Variants in LIMCH1 observed in about 807,000 individuals in gnomAD.
LIMCH1 encodes LIM and calponin homology domains-containing protein 1.
In LIMCH1, 113 loss-of-function variants were observed where a neutral mutation model predicts 176.5. The ratio of observed to expected loss-of-function variants is 0.64; its 90% CI spans 0.55 to 0.75. LIMCH1 has a LOEUF of 0.75. Among genes scored for constraint, LIMCH1 ranks in the 30% least tolerant of loss-of-function variants. LIMCH1 has a pLI of 0.00. For synonymous variants in LIMCH1, 619 were observed against 645.9 expected, an observed-to-expected ratio of 0.96 and a Z score of 0.63; for missense variants, 1,674 against 1,814.9, an observed-to-expected ratio of 0.92 and a Z score of 1.41.
At chr4:41,593,036 T>A (rs2087944271) in intron 1 of LIMCH1, among the ~76,000 whole-genome samples, 1 of 152,204 alleles carries the variant, frequency 6.6e-6, no homozygotes, top group South Asian at 2.1e-4. Context: ...TGTCAGGAAC[T>A]TTGCTACACT....
chr4:41,614,166 A>G (rs966238692), intron 5 of LIMCH1, among the ~76,000 whole-genome samples: 1 of 152,214 alleles, frequency 6.6e-6, no homozygotes, highest in Non-Finnish European at 1.5e-5. Context: ...GATGCTTGTG[A>G]TACCTGACTG....
intron 26 of LIMCH1, 108 bp downstream of exon 26, chr4:41,682,568 TG>T: frequency 9.6e-7 from 1 of 1,042,828 alleles, no homozygotes; most frequent in Non-Finnish European, 1.4e-6. Flanking sequence ...AGCTTCGAAA[TG>T]AATGTTCCAG....
At chr4:41,461,478 T>C (rs960063506) in intron 1 of LIMCH1, among the ~76,000 whole-genome samples, 26 of 152,194 alleles carry the variant, frequency 1.7e-4, no homozygotes, top group African/African-American at 5.3e-4. Context: ...AAATTATAGA[T>C]GGTTTTTGAG....
intron 1 of LIMCH1, among the ~76,000 whole-genome samples, chr4:41,449,309 C>T (rs1361593941): frequency 6.6e-6 from 1 of 152,202 alleles, no homozygotes; most frequent in Admixed American, 6.5e-5. Flanking sequence ...CCCCGTCTTT[C>T]TGGCGAACTT....
At chr4:41,577,986 A>G (rs527417294) in intron 1 of LIMCH1, among the ~76,000 whole-genome samples, 8 of 152,296 alleles carry the variant, frequency 5.3e-5, no homozygotes, top group Non-Finnish European at 8.8e-5. Flanking sequence ...GTGAATGTCC[A>G]TTTGTATTTC....
intron 1 of LIMCH1, among the ~76,000 whole-genome samples, chr4:41,586,402 G>T (rs190958239): frequency 1.3e-4 from 20 of 152,042 alleles, no homozygotes; most frequent in African/African-American, 4.8e-4. Flanking sequence ...GAGCCACTGC[G>T]CCTGGCCTAA....
intron 14 of LIMCH1, among the ~76,000 whole-genome samples, chr4:41,639,746 A>G (rs1194503353): frequency 6.6e-6 from 1 of 152,188 alleles, no homozygotes; most frequent in Non-Finnish European, 1.5e-5. Context: ...TAGACTTCTC[A>G]GATTCAAGTA....
chr4:41,580,180 C>T (rs141072231), intron 1 of LIMCH1, among the ~76,000 whole-genome samples: 56 of 152,248 alleles, frequency 3.7e-4, no homozygotes, highest in African/African-American at 1.3e-3. Flanking sequence ...GAATGCGTTT[C>T]GTGTCCGTTT....
At chr4:41,366,652 A>G (rs1230083723) in intron 1 of LIMCH1, among the ~76,000 whole-genome samples, 1 of 151,228 alleles carries the variant, frequency 6.6e-6, no homozygotes, top group East Asian at 1.9e-4. Context: ...AAGATAATAT[A>G]GGGGAAAAAT....
At chr4:41,665,456 TTTTC>T in intron 20 of LIMCH1, among the ~76,000 whole-genome samples, 1 of 152,320 alleles carries the variant, frequency 6.6e-6, no homozygotes, top group East Asian at 1.9e-4. Context: ...AGGTGATTAG[TTTTC>T]TTTAAGATTC....
chr4:41,641,266 C>G (rs1430885797), intron 14 of LIMCH1, among the ~76,000 whole-genome samples: 1 of 152,192 alleles, frequency 6.6e-6, no homozygotes, highest in Non-Finnish European at 1.5e-5. Context: ...CGCCAACCCC[C>G]ATCCCCAGAC....
chr4:41,459,301 C>T (rs1019066231), intron 1 of LIMCH1, among the ~76,000 whole-genome samples: 2 of 151,880 alleles, frequency 1.3e-5, no homozygotes, highest in African/African-American at 4.8e-5. Flanking sequence ...CTCCCTCTGT[C>T]CCTTCCTTCC....
At chr4:41,593,028 T>A (rs552189783) in intron 1 of LIMCH1, among the ~76,000 whole-genome samples, 32 of 152,320 alleles carry the variant, frequency 2.1e-4, no homozygotes, top group African/African-American at 7.7e-4. Context: ...CTTGTACATG[T>A]CAGGAACTTT....
intron 1 of LIMCH1, among the ~76,000 whole-genome samples, chr4:41,410,360 G>T (rs1270219084): frequency 6.6e-6 from 1 of 152,166 alleles, no homozygotes; most frequent in Non-Finnish European, 1.5e-5. Context: ...ACATTCTCCA[G>T]TATAGCTTCT....
intron 2 of LIMCH1, among the ~76,000 whole-genome samples, chr4:41,514,060 A>C (rs2075293608): frequency 6.7e-6 from 1 of 149,400 alleles, no homozygotes; most frequent in Admixed American, 6.7e-5. Context: ...ATTAACGACA[A>C]CAAAAGTTGT....
chr4:41,385,646 G>T (rs1406719589), intron 1 of LIMCH1, among the ~76,000 whole-genome samples: 3 of 152,132 alleles, frequency 2.0e-5, no homozygotes, highest in Admixed American at 2.0e-4. Flanking sequence ...TTTTCTGAAA[G>T]GAAAATTCTA....
intron 1 of LIMCH1, among the ~76,000 whole-genome samples, chr4:41,382,446 A>G (rs1229082591): frequency 1.3e-5 from 2 of 152,002 alleles, no homozygotes; most frequent in Non-Finnish European, 2.9e-5. Flanking sequence ...AGCCAAGGAA[A>G]CAGGGCTATG....
At chr4:41,612,544 G>A in intron 4 of LIMCH1, 1 of 702,532 alleles carries the variant, frequency 1.4e-6, no homozygotes, top group Non-Finnish European at 2.6e-6. Flanking sequence ...TAGTCAGCCT[G>A]GACTATTGTA....
rs57517524 is a variant in LIMCH1 at position 41,460,458 on chromosome 4, C to CTATATATATATATA, written c.97-34070_97-34057dup. On this transcript the variant is annotated intron_variant, in intron 1 of 26. Coordinates refer to the LIMCH1 transcript ENST00000313860. ...AAATTTGTTCCACTATAGTAATCAT[C>CTATATATATATATA]TATATATATATATATATATATCTTA... Among the ~76,000 whole-genome samples the CTATATATATATATA allele has an allele frequency of 1.5e-3, 167 of 110,516 alleles. 7 individuals carry two copies. The East Asian group carries it at 0.016, about 11-fold the overall frequency. 72.5% of individuals were successfully genotyped at this position (110,516 alleles called of 152,430 possible).
Sources: allele counts gnomAD v4.1 joint callset (sites outside exome capture counted in the v4.1 genomes callset), GRCh38; gene constraint gnomAD v4.1.1; transcripts MANE v1.5; gene names NCBI Gene and HGNC (gene_info 2026-07-23, HGNC 2026-07-21).